S100A8: variants seen among roughly 807,000 people sequenced by gnomAD.
S100A8 encodes S100 calcium binding protein A8.
A neutral mutation model predicts 4.2 loss-of-function variants in S100A8; 1 was observed. That is an observed-to-expected ratio of 0.24 (90% confidence interval 0.08 to 1.12). S100A8 has a LOEUF of 1.12. Among genes scored for constraint, S100A8 ranks in the 50% most tolerant of loss-of-function variants. The pLI, the probability that S100A8 is intolerant of heterozygous loss-of-function variation, is 0.53. For synonymous variants in S100A8, 41 were observed against 44.7 expected (o/e 0.92, Z 0.33); for missense variants, 96 against 111.8 (o/e 0.86, Z 0.64).
At chr1:153,399,200 C>T in the S100A8 span, among the ~76,000 whole-genome samples, 1 of 152,228 alleles carries the variant, frequency 6.6e-6, no homozygotes, top group South Asian at 2.1e-4. Flanking sequence ...CACCAAGCCC[C>T]ACATCCCACC....
At chr1:153,406,657 A>G in the S100A8 span, among the ~76,000 whole-genome samples, 1 of 152,216 alleles carries the variant, frequency 6.6e-6, no homozygotes, top group Non-Finnish European at 1.5e-5. Flanking sequence ...ACCCAGGAGT[A>G]TGTTGCTTCT....
chr1:153,406,170 C>G, the S100A8 span, among the ~76,000 whole-genome samples: 1 of 152,198 alleles, frequency 6.6e-6, no homozygotes, highest in South Asian at 2.1e-4. Flanking sequence ...CAAATTCCCA[C>G]ACACTTTATC....
At chr1:153,405,921 C>T in the S100A8 span, among the ~76,000 whole-genome samples, 22 of 152,222 alleles carry the variant, frequency 1.4e-4, no homozygotes, top group African/African-American at 5.3e-4. Context: ...TGCTGCAGAA[C>T]TCTCTCTCTG....
chr1:153,403,973 G>A, the S100A8 span, among the ~76,000 whole-genome samples: 1 of 152,108 alleles, frequency 6.6e-6, no homozygotes, highest in African/African-American at 2.4e-5. Context: ...ACTTCTGACT[G>A]ACTGGCTAAA....
upstream of S100A8, among the ~76,000 whole-genome samples, chr1:153,394,114 G>A (rs1437836158): frequency 6.6e-6 from 1 of 152,212 alleles, no homozygotes. Context: ...AGCGGACATG[G>A]GGCAACCTAG....
chr1:153,417,437 T>C, the S100A8 span, among the ~76,000 whole-genome samples: 5 of 152,046 alleles, frequency 3.3e-5, no homozygotes, highest in East Asian at 1.9e-4. Context: ...GAGGCAATTC[T>C]TGTTTCTCAT....
chr1:153,397,557 C>T, the S100A8 span, among the ~76,000 whole-genome samples: 4 of 152,172 alleles, frequency 2.6e-5, no homozygotes, highest in African/African-American at 7.2e-5. Context: ...GAGCACAGCA[C>T]GGGGACAGAG....
the S100A8 span, among the ~76,000 whole-genome samples, chr1:153,399,441 C>G: frequency 6.6e-6 from 1 of 152,226 alleles, no homozygotes; most frequent in African/African-American, 2.4e-5. Flanking sequence ...GTCCTCTCAG[C>G]TCCAGGGCTT....
the S100A8 span, chr1:153,416,708 T>C: frequency 3.4e-5 from 9 of 268,414 alleles, no homozygotes; most frequent in Non-Finnish European, 5.1e-5. Flanking sequence ...CTGTGTGACC[T>C]TCACTTGACC....
chr1:153,414,737 A>G, the S100A8 span, among the ~76,000 whole-genome samples: 2 of 152,250 alleles, frequency 1.3e-5, no homozygotes, highest in Non-Finnish European at 2.9e-5. Context: ...CTCTTACCAT[A>G]GGATCCAGAA....
At chr1:153,407,489 C>T in the S100A8 span, among the ~76,000 whole-genome samples, 2 of 152,216 alleles carry the variant, frequency 1.3e-5, no homozygotes, top group Non-Finnish European at 2.9e-5. Flanking sequence ...CTGGGTGGAG[C>T]CCACCACAGC....
the S100A8 span, chr1:153,420,285 AG>A: frequency 1.3e-5 from 2 of 152,378 alleles, no homozygotes; most frequent in East Asian, 3.9e-4. Context: ...GTGCTGTCCT[AG>A]CAGTGCACTG....
chr1:153,395,039 G>A (rs564672205), upstream of S100A8, among the ~76,000 whole-genome samples: 1 of 152,254 alleles, frequency 6.6e-6, no homozygotes, highest in African/African-American at 2.4e-5. Context: ...GATCCCTAGA[G>A]TCCCAGGGGA....
chr1:153,392,184 G>A (rs1662114049), upstream of S100A8, among the ~76,000 whole-genome samples: 1 of 152,134 alleles, frequency 6.6e-6, no homozygotes, highest in African/African-American at 2.4e-5. Flanking sequence ...TTGGGGAAAA[G>A]ACTCAAATAG....
At chr1:153,411,428 G>A in the S100A8 span, among the ~76,000 whole-genome samples, 1 of 152,206 alleles carries the variant, frequency 6.6e-6, no homozygotes, top group Non-Finnish European at 1.5e-5. Context: ...TACAAGGGAT[G>A]CGAACAACCT....
chr1:153,390,268 C>T, intron 2 of S100A8, 25 bp from the exon 3 acceptor site: 1 of 1,604,928 alleles, frequency 6.2e-7, no homozygotes, highest in South Asian at 1.1e-5. Flanking sequence ...GAGGAAGAAG[C>T]CAGAGTTTAA....
At chr1:153,413,996 T>C in the S100A8 span, among the ~76,000 whole-genome samples, 3 of 152,368 alleles carry the variant, frequency 2.0e-5, no homozygotes, top group East Asian at 5.8e-4. Flanking sequence ...TCTTTTTCAT[T>C]TAATCCCTTT....
chr1:153,419,100 G>C, the S100A8 span: 1 of 1,601,718 alleles, frequency 6.2e-7, no homozygotes. Flanking sequence ...CCCAAAACTT[G>C]TTTGTGATTG....
chr1:153,409,596 A>G, the S100A8 span, among the ~76,000 whole-genome samples: 1 of 152,230 alleles, frequency 6.6e-6, no homozygotes, highest in Non-Finnish European at 1.5e-5. Flanking sequence ...AAGGATATCC[A>G]GCTCTGCACC....
Sources: gnomAD v4.1 joint callset for allele counts (sites outside exome capture counted in the v4.1 genomes callset) on GRCh38, gnomAD v4.1.1 for gene constraint, MANE v1.5 for transcripts, NCBI Gene and HGNC (gene_info 2026-07-23, HGNC 2026-07-21) for gene names.